Variants in COL23A1 observed in about 807,000 individuals in gnomAD.
The protein encoded by COL23A1 is collagen type XXIII alpha 1 chain.
In COL23A1, 97 loss-of-function variants were observed where a neutral mutation model predicts 99.3. The observed-to-expected ratio is 0.98, with a 90% CI of 0.83 to 1.16. COL23A1 has a LOEUF of 1.16. Ranked by LOEUF, COL23A1 falls within the 50% of genes most tolerant of loss-of-function variation. The pLI, the probability that COL23A1 is intolerant of heterozygous loss-of-function variation, is 0.00. For missense variants in COL23A1, 762 were observed against 757.4 expected (o/e 1.01, Z -0.07); for synonymous variants, 320 against 308.2 (o/e 1.04, Z -0.40).
chr5:178,264,978 C>T (rs1050406423), intron 8 of COL23A1, among the ~76,000 whole-genome samples: 15 of 152,124 alleles, frequency 9.9e-5, no homozygotes, highest in African/African-American at 9.7e-5. Flanking sequence ...TGTGATGAGC[C>T]GGCCAGTTCA....
chr5:178,461,262 G>GTGA (rs1756106767), intron 2 of COL23A1, among the ~76,000 whole-genome samples: 1 of 152,214 alleles, frequency 6.6e-6, no homozygotes, highest in Non-Finnish European at 1.5e-5. Flanking sequence ...GTCCAGCCTG[G>GTGA]CCATGTCCTG....
rs1758440435 is a variant in COL23A1, at chr5:178,307,729, G to T, written c.362-810C>A. Among the ~76,000 whole-genome samples, 1 of 152,208 alleles carries T rather than the reference G, an allele frequency of 6.6e-6. No homozygotes were observed. Among genetic ancestry groups the T allele is most frequent in the Non-Finnish European group, 1.5e-5 (1 of 68,036 alleles). ...GTGGCGCTCACTGCCATCCTTCCTG[G>T]CGCCCCTTCTCGCCCCTGTTTCAGT... On this transcript the variant is annotated intron_variant, in intron 2 of 28. Transcript: ENST00000390654. The surrounding 1 kb of genome is among the most constrained non-coding windows in gnomAD (Gnocchi z 4.2).
intron 2 of COL23A1, among the ~76,000 whole-genome samples, chr5:178,522,258 C>T (rs1209620442): frequency 6.6e-6 from 1 of 152,044 alleles, no homozygotes; most frequent in Non-Finnish European, 1.5e-5. Context: ...AATTTGGGGG[C>T]AGGAGAGAGG....
At chr5:178,517,681 C>A (rs999275454) in intron 2 of COL23A1, among the ~76,000 whole-genome samples, 92 of 150,760 alleles carry the variant, frequency 6.1e-4, no homozygotes, top group Non-Finnish European at 6.2e-4. Flanking sequence ...TCTGCCTCAG[C>A]CTCCCAAGTA....
At chr5:178,358,994 TG>T (rs1483648229) in intron 2 of COL23A1, among the ~76,000 whole-genome samples, 1 of 152,200 alleles carries the variant, frequency 6.6e-6, no homozygotes, top group African/African-American at 2.4e-5. Context: ...CAAATCCAAC[TG>T]TCTAATAAAA....
chr5:178,515,995 T>C (rs1278103772), intron 2 of COL23A1, among the ~76,000 whole-genome samples: 1 of 152,158 alleles, frequency 6.6e-6, no homozygotes, highest in Non-Finnish European at 1.5e-5. Flanking sequence ...TCAGGCTCAG[T>C]TCCAGAGTTT....
At chr5:178,584,011 C>T (rs1317030750) in intron 1 of COL23A1, among the ~76,000 whole-genome samples, 1 of 152,096 alleles carries the variant, frequency 6.6e-6, no homozygotes, top group Non-Finnish European at 1.5e-5. Flanking sequence ...TACAGGCTTG[C>T]GCCACCATGC....
chr5:178,280,101 G>A lies in COL23A1; in HGVS notation c.441+8223C>T, dbSNP rs997817925. 2.6e-5 allele frequency among the ~76,000 whole-genome samples: 4 copies of A among 152,224 alleles called. No individual in the cohort carries two copies. Among genetic ancestry groups the A allele is most frequent in the Non-Finnish European group, 4.4e-5 (3 of 68,044 alleles). On this transcript the variant is annotated intron_variant, in intron 5 of 28. Coordinates refer to ENST00000390654, the MANE Select transcript of COL23A1 (RefSeq NM_173465.4). The surrounding 1 kb of genome is among the most constrained non-coding windows in gnomAD (Gnocchi z 4.9). ...GAAGGGAACGATTCTCTGAATGAAC[G>A]TCCATCCTGCTGGCTCTCGTGCCCG...
intron 2 of COL23A1, among the ~76,000 whole-genome samples, chr5:178,358,677 A>G (rs113065564): frequency 2.8e-4 from 16 of 57,060 alleles, no homozygotes; most frequent in Admixed American, 3.5e-4. Flanking sequence ...TCTAATGTGT[A>G]TGTGTATGTG....
intron 2 of COL23A1, among the ~76,000 whole-genome samples, chr5:178,512,237 T>G (rs1381777678): frequency 1.3e-5 from 2 of 152,232 alleles, no homozygotes; most frequent in Non-Finnish European, 2.9e-5. Context: ...TTAGTGGTAT[T>G]GTAGAATTGT....
intron 2 of COL23A1, among the ~76,000 whole-genome samples, chr5:178,372,922 TTTTC>T (rs1191866652): frequency 1.3e-4 from 8 of 59,286 alleles, no homozygotes; most frequent in Admixed American, 2.1e-4. Flanking sequence ...TTCTTTCTCT[TTTTC>T]TTTCTTTTTT....
chr5:178,268,510 A>G (rs1189732910), intron 7 of COL23A1, among the ~76,000 whole-genome samples: 2 of 152,118 alleles, frequency 1.3e-5, no homozygotes, highest in Admixed American at 1.3e-4. Context: ...TCCCAGGAGA[A>G]CTCAAGACTC....
intron 2 of COL23A1, among the ~76,000 whole-genome samples, chr5:178,475,453 G>A (rs1316236667): frequency 1.3e-5 from 2 of 152,148 alleles, no homozygotes. Flanking sequence ...CAGAGGTGCT[G>A]AGCCCCTGTG....
chr5:178,476,175 T>A (rs902496026), intron 2 of COL23A1, among the ~76,000 whole-genome samples: 2 of 152,186 alleles, frequency 1.3e-5, no homozygotes, highest in Non-Finnish European at 2.9e-5. Context: ...TCAACCTTGA[T>A]GCTACTCCAC....
At chr5:178,460,169 G>C (rs1756038087) in intron 2 of COL23A1, among the ~76,000 whole-genome samples, 1 of 152,026 alleles carries the variant, frequency 6.6e-6, no homozygotes, top group Non-Finnish European at 1.5e-5. Flanking sequence ...ACAGTCTCCT[G>C]AACAGCCAAG....
chr5:178,303,741 C>T (rs1004208211), intron 3 of COL23A1, among the ~76,000 whole-genome samples: 1 of 152,228 alleles, frequency 6.6e-6, no homozygotes, highest in Admixed American at 6.5e-5. Flanking sequence ...TTCTCTCCTC[C>T]TTCCCATCAA....
At chr5:178,323,279 C>G (rs951190745) in intron 2 of COL23A1, among the ~76,000 whole-genome samples, 2 of 152,140 alleles carry the variant, frequency 1.3e-5, no homozygotes, top group Admixed American at 1.3e-4. Context: ...TGTCCGTGGT[C>G]CTGAGCTCTT....
chr5:178,533,296 G>A (rs1488138048), intron 2 of COL23A1, among the ~76,000 whole-genome samples: 3 of 152,138 alleles, frequency 2.0e-5, no homozygotes, highest in Admixed American at 6.5e-5. Flanking sequence ...ACCACCATCC[G>A]TTGCTAGAAC....
chr5:178,363,356 G>C (rs2973707), intron 2 of COL23A1, among the ~76,000 whole-genome samples: 1,589 of 152,268 alleles, frequency 0.01, 24 homozygotes, highest in African/African-American at 0.036. Context: ...GATAGCCTAA[G>C]TGTAGAACCT....
Sources: gnomAD v4.1 joint callset for allele counts (sites outside exome capture counted in the v4.1 genomes callset) on GRCh38, gnomAD v4.1.1 for gene constraint, Gnocchi (gnomAD v3.1) non-coding constraint, MANE v1.5 for transcripts, NCBI Gene and HGNC (gene_info 2026-07-23, HGNC 2026-07-21) for gene names.